Variants in TUBGCP2 observed in about 807,000 individuals in gnomAD.
TUBGCP2 encodes the protein gamma-tubulin complex component 2.
A neutral mutation model predicts 92.2 loss-of-function variants in TUBGCP2; 55 were observed. The observed-to-expected ratio is 0.60, with a 90% confidence interval of 0.48 to 0.75. The LOEUF (loss-of-function observed/expected upper bound fraction) is 0.75, where lower values mean the gene tolerates loss of function less well. TUBGCP2 is among the 30% of genes least tolerant of loss of function. TUBGCP2 has a pLI of 0.00. For synonymous variants in TUBGCP2, 533 were observed against 505.2 expected (o/e 1.06, Z -0.74); for missense variants, 1,093 against 1,188.9 (o/e 0.92, Z 1.19).
Position 133,289,034 on chromosome 10 carries a change from A to T in TUBGCP2, c.1361-14T>A. ...TTAGATATTTTCCTGAAAACACAGA[A>T]ATTCAAAATTTTATTCTCCACATGG... On this transcript the variant is annotated splice_polypyrimidine_tract_variant and intron_variant, in intron 9 of 17. Coordinates refer to ENST00000252936, the MANE Select transcript of TUBGCP2 (RefSeq NM_006659.4). 1.9e-6 allele frequency: 3 copies of T among 1,604,130 alleles called. No homozygotes were observed. The highest frequency in any genetic ancestry group is 2.6e-6 in the Non-Finnish European group (3 of 1,172,736).
chr10:133,279,743 T>G lies in TUBGCP2; in HGVS notation c.*23A>C, dbSNP rs780954958. 9.1e-6 allele frequency: 14 copies of G among 1,545,474 alleles called. No homozygotes were observed. The highest frequency in any genetic ancestry group is 1.1e-5 in the Non-Finnish European group (13 of 1,144,002). ...ACCAGTCCCTGCTGACCCCACACCC[T>G]TCCTTCCTGTCACAGCCAGGGCTCA... On this transcript the variant is annotated 3_prime_UTR_variant, in exon 18 of 18. Transcript: ENST00000252936.
chr10:133,303,047 C>A, intron 1 of TUBGCP2, 67 bp from the exon 2 acceptor site: 1 of 1,430,750 alleles, frequency 7.0e-7, no homozygotes. Flanking sequence ...TTTTTAAACA[C>A]TCAAGACTGG....
chr10:133,308,242 C>G (rs1366850099), intron 1 of TUBGCP2, among the ~76,000 whole-genome samples: 1 of 152,194 alleles, frequency 6.6e-6, no homozygotes, highest in Admixed American at 6.5e-5. Flanking sequence ...TCCTACAAGG[C>G]TGCCGCGCCC....
upstream of TUBGCP2, among the ~76,000 whole-genome samples, chr10:133,311,277 C>T (rs1328228355): frequency 6.6e-6 from 1 of 152,088 alleles, no homozygotes; most frequent in African/African-American, 2.4e-5. Flanking sequence ...GGAGGCTTTA[C>T]AAAGACTTAC....
chr10:133,279,761 A>G lies in TUBGCP2; in HGVS notation c.*5T>C. ...CACACCCTTCCTTCCTGTCACAGCCAGGGCTCACTGTGCGGTGACTGCGAC... is the reference window on the plus strand; with the variant it reads ...CACACCCTTCCTTCCTGTCACAGCCGGGGCTCACTGTGCGGTGACTGCGAC... On this transcript the variant is annotated 3_prime_UTR_variant, in exon 18 of 18. Transcript: ENST00000252936. 1.3e-6 allele frequency: 2 copies of G among 1,553,678 alleles called. No individual in the cohort carries two copies. The highest frequency in any genetic ancestry group is 2.4e-5 in the South Asian group (2 of 84,620).
chr10:133,279,945 G>A (rs748693392), intron 17 of TUBGCP2, 44 bp from the exon 18 acceptor site: 20 of 1,592,688 alleles, frequency 1.3e-5, no homozygotes, highest in African/African-American at 4.1e-5. Context: ...CCCCTTCTGC[G>A]GGTGCATGCT....
intron 5 of TUBGCP2, among the ~76,000 whole-genome samples, chr10:133,296,781 AGAC>A (rs1847497975): frequency 6.6e-6 from 1 of 152,144 alleles, no homozygotes; most frequent in African/African-American, 2.4e-5. Flanking sequence ...TGGCCGAAGT[AGAC>A]TGTTTTCCAT....
chr10:133,288,976 A>G lies in TUBGCP2; in HGVS notation c.1405T>C (p.Cys469Arg). 6.2e-7 allele frequency: 1 copy of G among 1,614,078 alleles called. No individual in the cohort carries two copies. The highest frequency in any genetic ancestry group is 1.1e-5 in the South Asian group (1 of 91,082). Residue 469 changes from cysteine to arginine, a missense_variant, in exon 10 of 18, where the codon TGC becomes CGC. Cys to Arg is a radical substitution (Grantham distance 180). Around this residue, in one of 3 missense-constraint regions of TUBGCP2, gnomAD observed 598 missense variants for 675.5 expected, o/e 0.89. Transcript: ENST00000252936. Reference sequence around the variant, plus strand: ...TAGATGATCTCTTTAGCCACCGGGCAGGTGACGTCATGGCCACACTCTCTG... The same window carrying G: ...TAGATGATCTCTTTAGCCACCGGGCGGGTGACGTCATGGCCACACTCTCTG... ...VVRECGHDVT[C>R]PVAKEIIYTL...
intron 1 of TUBGCP2, among the ~76,000 whole-genome samples, chr10:133,304,300 A>G (rs1847754536): frequency 6.6e-6 from 1 of 152,244 alleles, no homozygotes; most frequent in Non-Finnish European, 1.5e-5. Flanking sequence ...AACAAAAAAC[A>G]AAACAAAACA....
rs187308076 is a variant in TUBGCP2 at position 133,307,052 on chromosome 10, C to T, written c.-40+1771G>A. On this transcript the variant is annotated intron_variant, in intron 1 of 17. Coordinates refer to ENST00000252936, the MANE Select transcript of TUBGCP2 (RefSeq NM_006659.4). ...GCTCTCGCTACTTAGAGGGCAAGGG[C>T]GGGGGATGCTAATCATCAACAGAGC... is the stretch of plus-strand genomic sequence containing the variant. 3.3e-4 allele frequency among the ~76,000 whole-genome samples: 50 copies of T among 152,258 alleles called. 1 individual carries two copies. The highest frequency in any genetic ancestry group is 1.2e-3 in the African/African-American group (48 of 41,526).
chr10:133,284,977 G>A (rs933824885), intron 13 of TUBGCP2, 108 bp downstream of exon 13: 1 of 1,462,214 alleles, frequency 6.8e-7, no homozygotes, highest in Admixed American at 2.3e-5. Flanking sequence ...ACTTCCAGAA[G>A]CCTAGAAAGC....
At position 133,279,410 on chromosome 10, in the gene TUBGCP2, A is replaced by G; in HGVS notation, c.*356T>C. On this transcript the variant is annotated 3_prime_UTR_variant, in exon 18 of 18. Transcript: ENST00000252936. ...GACAGACCTCAGGAAGCCCGGCCCC[A>G]GCTCACCCGGAAAGATGTGGACACC... 1 of 225,110 alleles carries G rather than the reference A, an allele frequency of 4.4e-6. No homozygotes were observed. Among genetic ancestry groups the G allele is most frequent in the South Asian group, 6.7e-5 (1 of 14,960 alleles). The allele number at this position is 225,110 out of a possible 1,614,324, so 13.9% of individuals were successfully genotyped here. A position where few individuals can be genotyped will look rare whatever the true frequency, so the allele number is the denominator to read the frequency against.
At chr10:133,308,978 C>T, upstream of TUBGCP2, 1 of 1,244,876 alleles carries the variant, frequency 8.0e-7, no homozygotes, top group Non-Finnish European at 1.0e-6. Flanking sequence ...GCCCGCCTCG[C>T]TGCGGGGCCC....
At position 133,279,527 on chromosome 10, in the gene TUBGCP2, G is replaced by A; in HGVS notation, c.*239C>T. 1.7e-6 allele frequency: 1 copy of A among 575,788 alleles called. No homozygotes were observed. The allele number at this position is 575,788 out of a possible 1,614,324, so 35.7% of individuals were successfully genotyped here. A position where few individuals can be genotyped will look rare whatever the true frequency, so the allele number is the denominator to read the frequency against. On this transcript the variant is annotated 3_prime_UTR_variant, in exon 18 of 18. Coordinates refer to ENST00000252936, the MANE Select transcript of TUBGCP2 (RefSeq NM_006659.4). ...TGAGGCCAAAAACACCCAAAAAGGT[G>A]ATAGTGTAATTTCAAAAAGCAAACA...
intron 13 of TUBGCP2, among the ~76,000 whole-genome samples, chr10:133,284,450 C>T (rs1440963922): frequency 6.6e-6 from 1 of 152,180 alleles, no homozygotes; most frequent in Non-Finnish European, 1.5e-5. Flanking sequence ...GCAGCCTTGA[C>T]CTCCTGGACT....
upstream of TUBGCP2, chr10:133,310,046 C>T (rs956543324): frequency 3.1e-6 from 5 of 1,609,102 alleles, no homozygotes; most frequent in Non-Finnish European, 4.2e-6. Context: ...CTGCCCCCAG[C>T]TCTCGGGTGC....
At chr10:133,281,691 C>T (rs1360654655) in intron 16 of TUBGCP2, among the ~76,000 whole-genome samples, 1 of 152,266 alleles carries the variant, frequency 6.6e-6, no homozygotes, top group African/African-American at 2.4e-5. Flanking sequence ...GATGAACGAG[C>T]TTTCCCAGCA....
chr10:133,310,893 T>A (rs1362984349), upstream of TUBGCP2, among the ~76,000 whole-genome samples: 3 of 152,172 alleles, frequency 2.0e-5, no homozygotes, highest in East Asian at 5.8e-4. Context: ...CCTCCACTTC[T>A]CAGGCTCAAG....
chr10:133,283,222 C>A lies in TUBGCP2; in HGVS notation c.2146-1G>T. Reference sequence around the variant, plus strand: ...CAAGGACGTCGTCAATGTTGGAGGCCTGCGGGGAACAGGCCAAGCCCCTTC... The same window carrying A: ...CAAGGACGTCGTCAATGTTGGAGGCATGCGGGGAACAGGCCAAGCCCCTTC... On this transcript the variant is annotated splice_acceptor_variant, in intron 14 of 17. Coordinates refer to ENST00000252936, the MANE Select transcript of TUBGCP2 (RefSeq NM_006659.4). LOFTEE classifies it high-confidence loss of function. 6.2e-7 allele frequency: 1 copy of A among 1,614,180 alleles called. No individual in the cohort carries two copies.
Sources: gnomAD v4.1 joint callset for allele counts (sites outside exome capture counted in the v4.1 genomes callset) on GRCh38, gnomAD v4.1.1 for gene constraint, gnomAD v4.1.1 regional missense constraint, MANE v1.5 for transcripts, NCBI Gene and HGNC (gene_info 2026-07-23, HGNC 2026-07-21) for gene names.